Variants in CCDC191 observed in about 807,000 individuals in gnomAD.
The protein encoded by CCDC191 is coiled-coil domain-containing protein 191.
Under a neutral mutation model 114.0 loss-of-function variants are expected in CCDC191, and 99 were observed. The ratio of observed to expected loss-of-function variants is 0.87; its 90% CI spans 0.74 to 1.03. The LOEUF (loss-of-function observed/expected upper bound fraction) is 1.03, where lower values mean the gene tolerates loss of function less well. Ranked by LOEUF, CCDC191 falls within the 50% of genes least tolerant of loss-of-function variation. The probability of loss-of-function intolerance (pLI) is 0.00; values close to 1 mark genes in which losing one functional copy is unlikely to be tolerated. For missense variants in CCDC191, 973 were observed against 1,087.0 expected (o/e 0.90, Z 1.47); for synonymous variants, 351 against 376.0 (o/e 0.93, Z 0.77).
intron 8 of CCDC191, among the ~76,000 whole-genome samples, chr3:114,013,478 A>G (rs1215170800): frequency 6.6e-6 from 1 of 152,184 alleles, no homozygotes; most frequent in Non-Finnish European, 1.5e-5. Context: ...AAAGCGAAAA[A>G]TCACTTAAAT....
chr3:113,972,354 T>C (rs575852214), intron 16 of CCDC191, among the ~76,000 whole-genome samples: 123 of 152,268 alleles, frequency 8.1e-4, no homozygotes, highest in African/African-American at 2.9e-3. Flanking sequence ...TTCAGGAGCA[T>C]GTTGTTTAAT....
chr3:114,040,549 A>T (rs2107744135), intron 4 of CCDC191, among the ~76,000 whole-genome samples: 1 of 152,246 alleles, frequency 6.6e-6, no homozygotes, highest in Admixed American at 6.5e-5. Context: ...GAAAATTAAA[A>T]ATCAAAGAAA....
chr3:114,047,452 A>T (rs150517699), intron 2 of CCDC191, among the ~76,000 whole-genome samples: 1 of 152,190 alleles, frequency 6.6e-6, no homozygotes, highest in African/African-American at 2.4e-5. Flanking sequence ...GCCTAAGCTC[A>T]GGAGTTTGAG....
intron 10 of CCDC191, 107 bp downstream of exon 10, chr3:114,005,400 AG>A: frequency 8.9e-7 from 1 of 1,123,176 alleles, no homozygotes; most frequent in Non-Finnish European, 1.3e-6. Flanking sequence ...TGCAAAATCA[AG>A]GAAAAGGAAC....
intron 1 of CCDC191, among the ~76,000 whole-genome samples, chr3:114,055,941 G>T (rs181171775): frequency 1.3e-5 from 2 of 151,784 alleles, no homozygotes; most frequent in Non-Finnish European, 2.9e-5. Context: ...TAAAAGTGAA[G>T]GGGCAGGAAT....
chr3:113,966,859 G>A (rs1002038910), intron 16 of CCDC191, among the ~76,000 whole-genome samples: 7 of 152,124 alleles, frequency 4.6e-5, no homozygotes, highest in Non-Finnish European at 1.0e-4. Context: ...AGCACTTTGG[G>A]AGGTTGAGGC....
chr3:113,969,279 A>ACT (rs1046076687), intron 16 of CCDC191, among the ~76,000 whole-genome samples: 1 of 151,370 alleles, frequency 6.6e-6, no homozygotes, highest in Admixed American at 6.6e-5. Context: ...GTTTGCAAAT[A>ACT]CTCTCTCTCT....
At chr3:113,976,215 T>TACTA in intron 16 of CCDC191, among the ~76,000 whole-genome samples, 1 of 151,930 alleles carries the variant, frequency 6.6e-6, no homozygotes, top group East Asian at 1.9e-4. Flanking sequence ...GCTGAGATCC[T>TACTA]ACTACTGCAC....
Position 114,018,750 on chromosome 3 carries a change from C to T in CCDC191, c.1091G>A (p.Arg364Lys), listed in dbSNP as rs2076201832. 1 of 1,613,466 alleles carries T rather than the reference C, an allele frequency of 6.2e-7. No homozygotes were observed. The highest frequency in any genetic ancestry group is 8.5e-7 in the Non-Finnish European group (1 of 1,179,738). Residue 364 changes from arginine (R) to lysine (K), a missense_variant, in exon 8 of 17, where the codon AGA becomes AAA. Arg to Lys is a conservative substitution (Grantham distance 26). Coordinates refer to ENST00000295878, the MANE Select transcript of CCDC191 (RefSeq NM_020817.2). ...CAACTTCTGGAATCTTGTGTAGTCT[C>T]TCCAGGCCCGCAGGACCTTCAGCTG... is the stretch of plus-strand genomic sequence containing the variant. ...KIQLKVLRAW[R>K]DYTRFQKLER...
At chr3:114,023,292 A>T (rs1213672812) in intron 7 of CCDC191, among the ~76,000 whole-genome samples, 1 of 152,228 alleles carries the variant, frequency 6.6e-6, no homozygotes, top group Admixed American at 6.5e-5. Flanking sequence ...AAGGTAATTT[A>T]TAGATTCAGT....
Position 114,029,013 on chromosome 3 carries a change from C to T in CCDC191, c.972+2613G>A, listed in dbSNP as rs773107308. Among the ~76,000 whole-genome samples, 28 of 151,524 alleles carry T rather than the reference C, an allele frequency of 1.8e-4. No individual in the cohort carries two copies. The South Asian group carries it at 1.9e-3, about 10-fold the overall frequency. Reference sequence around the variant, plus strand: ...TATATTTTAGCTCTGTCTGCTGAGGCGGCCTAGAAAAAAATGACACTCCAG... The same window carrying T: ...TATATTTTAGCTCTGTCTGCTGAGGTGGCCTAGAAAAAAATGACACTCCAG... On this transcript the variant is annotated intron_variant, in intron 7 of 16. Transcript: ENST00000295878.
In CCDC191 at chr3:114,005,756, G is replaced by C; in HGVS notation, c.1620C>G (p.Thr540=). 1 of 1,614,122 alleles carries C rather than the reference G, an allele frequency of 6.2e-7. No homozygotes were observed. The highest frequency in any genetic ancestry group is 8.5e-7 in the Non-Finnish European group (1 of 1,180,002). The part of the protein sequence containing the change: ...QPGSNETLRT[T]SQKAEPLCLG... ...AGCAAAGCGGTTCTGCTTTCTGGCT[G>C]GTAGTTCTGAGTGTCTCGTTGCTGC... The change falls in exon 10 of 17, where the codon ACC becomes ACG. Residue 540 remains threonine (T), a synonymous_variant. Transcript: ENST00000295878.
intron 13 of CCDC191, among the ~76,000 whole-genome samples, chr3:113,989,246 A>C (rs1383645155): frequency 1.3e-5 from 2 of 152,232 alleles, no homozygotes; most frequent in African/African-American, 4.8e-5. Context: ...GCAGGCACAA[A>C]ATCAGTAAGA....
At position 114,046,576 on chromosome 3, in the gene CCDC191, A is replaced by C. The variant is rs2076632797; in HGVS notation, c.271+15T>G. On this transcript the variant is annotated intron_variant, in intron 3 of 16. Coordinates refer to ENST00000295878, the MANE Select transcript of CCDC191 (RefSeq NM_020817.2). ...AAGAATTGTTAACATCGCAGCAGAA[A>C]ATGCATTCTCTTACCTTCTGCATAG... 1 of 1,433,190 alleles carries C rather than the reference A, an allele frequency of 7.0e-7. No individual in the cohort carries two copies. 88.8% of individuals were successfully genotyped at this position (1,433,190 alleles called of 1,614,324 possible). A position where few individuals can be genotyped will look rare whatever the true frequency, so the allele number is the denominator to read the frequency against.
rs1559898135 is a variant in CCDC191 at position 114,002,470 on chromosome 3, CTTGTT to C, written c.2042_2046del (p.Lys681ArgfsTer28). 1.2e-6 allele frequency: 2 copies of C among 1,608,756 alleles called. No individual in the cohort carries two copies. The highest frequency in any genetic ancestry group is 3.4e-5 in the Admixed American group (2 of 59,268). ...GAATCTATTACCAATTTTTCTTCTTCTTGTTTTTTCTTCTTCTCTGCCAAGATCCG... is the reference window on the plus strand; with the variant it reads ...GAATCTATTACCAATTTTTCTTCTTCTTTTCTTCTTCTCTGCCAAGATCCG... On this transcript the variant is annotated frameshift_variant, in exon 12 of 17. Transcript: ENST00000295878. LOFTEE classifies it high-confidence loss of function.
chr3:114,014,839 G>A (rs72956685), intron 8 of CCDC191, among the ~76,000 whole-genome samples: 2,955 of 152,028 alleles, frequency 0.019, 87 homozygotes, highest in East Asian at 0.079. Flanking sequence ...TGTTGCAATT[G>A]TGTTAAATAT....
chr3:114,042,240 C>G (rs1198883940), intron 4 of CCDC191, among the ~76,000 whole-genome samples: 1 of 152,098 alleles, frequency 6.6e-6, no homozygotes, highest in Non-Finnish European at 1.5e-5. Context: ...ATTCAACCAA[C>G]TGCAGTTCAA....
intron 13 of CCDC191, among the ~76,000 whole-genome samples, chr3:113,991,246 AAAAAC>A (rs2075553175): frequency 6.9e-6 from 1 of 144,982 alleles, no homozygotes; most frequent in Admixed American, 6.9e-5. Flanking sequence ...AAAAAAAAAG[AAAAAC>A]AAACAAACCC....
chr3:114,041,297 G>C (rs1275452203), intron 4 of CCDC191, among the ~76,000 whole-genome samples: 1 of 152,186 alleles, frequency 6.6e-6, no homozygotes, highest in East Asian at 1.9e-4. Flanking sequence ...AAAAATTGTT[G>C]AGAGTACTGG....
Sources: gnomAD v4.1 joint callset for allele counts (sites outside exome capture counted in the v4.1 genomes callset) on GRCh38, gnomAD v4.1.1 for gene constraint, MANE v1.5 for transcripts, NCBI Gene and HGNC (gene_info 2026-07-23, HGNC 2026-07-21) for gene names.